Variants in MKLN1 observed in about 807,000 individuals in gnomAD.
The protein encoded by MKLN1 is muskelin 1.
Under a neutral mutation model 99.0 loss-of-function variants are expected in MKLN1, and 18 were observed. The ratio of observed to expected loss-of-function variants is 0.18; its 90% CI spans 0.13 to 0.27. The LOEUF is 0.27. Among genes scored for constraint, MKLN1 ranks in the 10% least tolerant of loss-of-function variants. MKLN1 has a pLI of 1.00. For synonymous variants in MKLN1, 288 were observed against 293.2 expected (o/e 0.98, Z 0.18); for missense variants, 621 against 875.9 (o/e 0.71, Z 3.67).
At chr7:131,332,513 CTA>C (rs771647226) in intron 1 of MKLN1, among the ~76,000 whole-genome samples, 6 of 149,578 alleles carry the variant, frequency 4.0e-5, no homozygotes, top group Admixed American at 6.7e-5. Flanking sequence ...AAAAAATGCT[CTA>C]TGTTTATTAT....
At chr7:131,202,146 C>CTTTTTTTTTTTTTTTTTTTTTTTTTTT in intron 2 of MKLN1, among the ~76,000 whole-genome samples, 1 of 60,274 alleles carries the variant, frequency 1.7e-5, no homozygotes, top group Non-Finnish European at 3.2e-5. Context: ...GCACTATTGA[C>CTTTTTTTTTTTTTTTTTTTTTTTTTTT]TTTTTTTTTT....
chr7:131,464,390 A>G lies in MKLN1; in HGVS notation c.1770A>G (p.Val590=), dbSNP rs750059929. 2.1e-5 allele frequency: 34 copies of G among 1,610,978 alleles called. No individual in the cohort carries two copies. Among genetic ancestry groups the G allele is most frequent in the Non-Finnish European group, 7.6e-6 (9 of 1,177,386 alleles). ...EPCPRFAHQL[V]YDELHKVHYL... ...GTCCAAGGTTTGCCCATCAGCTTGTATACGATGAGCTACACAAGGTATCCT... is the reference window on the plus strand; with the variant it reads ...GTCCAAGGTTTGCCCATCAGCTTGTGTACGATGAGCTACACAAGGTATCCT... Residue 590 remains valine, a synonymous_variant, in exon 14 of 18, where the codon GTA becomes GTG. Transcript: ENST00000352689.
intron 1 of MKLN1, among the ~76,000 whole-genome samples, chr7:131,335,442 T>C (rs1024053037): frequency 6.6e-6 from 1 of 152,152 alleles, no homozygotes; most frequent in Admixed American, 6.5e-5. Flanking sequence ...ATTTAAGTAG[T>C]CTAATATAAA....
upstream of MKLN1, among the ~76,000 whole-genome samples, chr7:131,325,149 A>C (rs1407176442): frequency 6.6e-6 from 1 of 152,144 alleles, no homozygotes; most frequent in Non-Finnish European, 1.5e-5. Context: ...TTTGCTAGAC[A>C]CATCAACAGG....
intron 3 of MKLN1, among the ~76,000 whole-genome samples, chr7:131,232,714 G>A (rs1797260791): frequency 6.6e-6 from 1 of 152,106 alleles, no homozygotes; most frequent in Admixed American, 6.6e-5. Context: ...GTACATACAC[G>A]AGTTTACCAG....
chr7:131,374,426 T>C (rs532408794), intron 1 of MKLN1, among the ~76,000 whole-genome samples: 147 of 152,290 alleles, frequency 9.7e-4, no homozygotes, highest in African/African-American at 3.4e-3. Context: ...TTTGCACTGA[T>C]GTCACTGATT....
At chr7:131,276,195 C>T (rs1797972594) in intron 3 of MKLN1, among the ~76,000 whole-genome samples, 1 of 152,232 alleles carries the variant, frequency 6.6e-6, no homozygotes, top group South Asian at 2.1e-4. Context: ...TTATTCTGGG[C>T]CTGTTGCTTT....
chr7:131,274,316 A>G (rs1185257129), intron 3 of MKLN1, among the ~76,000 whole-genome samples: 1 of 152,030 alleles, frequency 6.6e-6, no homozygotes, highest in African/African-American at 2.4e-5. Flanking sequence ...GTGTTGCCCA[A>G]TTGCCAGCTC....
At chr7:131,399,113 G>A (rs1794450003) in intron 5 of MKLN1, 128 bp from the exon 6 acceptor site, 1 of 773,328 alleles carries the variant, frequency 1.3e-6, no homozygotes, top group Non-Finnish European at 2.1e-6. Context: ...AATCAGGTTA[G>A]TAAACTGCTT....
chr7:131,145,822 C>A (rs1795808081), intron 2 of MKLN1, among the ~76,000 whole-genome samples: 1 of 152,186 alleles, frequency 6.6e-6, no homozygotes, highest in South Asian at 2.1e-4. Context: ...GCCTAGCAGA[C>A]AAATGGACAA....
intron 3 of MKLN1, among the ~76,000 whole-genome samples, chr7:131,222,136 T>C (rs1797068936): frequency 6.6e-6 from 1 of 150,864 alleles, no homozygotes; most frequent in Non-Finnish European, 1.5e-5. Flanking sequence ...TTAAGTGATC[T>C]GCCCACCTCG....
intron 3 of MKLN1, among the ~76,000 whole-genome samples, chr7:131,266,088 C>T (rs908024517): frequency 1.3e-5 from 2 of 148,928 alleles, no homozygotes; most frequent in African/African-American, 2.5e-5. Flanking sequence ...GCACGAGAAT[C>T]GCTTGAACCT....
chr7:131,133,359 T>C (rs1049220420), intron 1 of MKLN1, among the ~76,000 whole-genome samples: 3 of 136,168 alleles, frequency 2.2e-5, no homozygotes, highest in South Asian at 2.4e-4. Context: ...CTTTCTTTTT[T>C]TTTTTTTTTT....
chr7:131,129,350 A>G (rs1349259022), intron 1 of MKLN1, among the ~76,000 whole-genome samples: 2 of 152,178 alleles, frequency 1.3e-5, no homozygotes, highest in Non-Finnish European at 2.9e-5. Flanking sequence ...TAACACAGCA[A>G]TTTCACCTTT....
At chr7:131,262,647 T>C (rs1050452657) in intron 3 of MKLN1, among the ~76,000 whole-genome samples, 9 of 151,514 alleles carry the variant, frequency 5.9e-5, no homozygotes, top group Non-Finnish European at 1.5e-5. Context: ...ACCTCCTGGG[T>C]TCAAGCGATT....
chr7:131,153,348 A>G (rs1795916821), intron 2 of MKLN1, among the ~76,000 whole-genome samples: 1 of 152,020 alleles, frequency 6.6e-6, no homozygotes, highest in Non-Finnish European at 1.5e-5. Flanking sequence ...AATTATCCTC[A>G]TTGGTCTGTG....
intron 16 of MKLN1, chr7:131,471,625 T>C (rs181821346): frequency 6.6e-6 from 1 of 152,326 alleles, no homozygotes; most frequent in Admixed American, 6.5e-5. Flanking sequence ...GTTTTTGTCA[T>C]TTTTTCCTTT....
intron 3 of MKLN1, among the ~76,000 whole-genome samples, chr7:131,217,111 AT>A (rs1331593553): frequency 3.9e-5 from 6 of 152,212 alleles, no homozygotes; most frequent in South Asian, 2.1e-4. Context: ...AGATTTAGAT[AT>A]TTTTTATATG....
At chr7:131,328,049 GTT>G in intron 1 of MKLN1, 52 bp downstream of exon 1, 1 of 1,586,054 alleles carries the variant, frequency 6.3e-7, no homozygotes, top group Non-Finnish European at 8.6e-7. Flanking sequence ...CGTCAGCACG[GTT>G]GGGCCAGGGG....
Sources: gnomAD v4.1 joint callset for allele counts (sites outside exome capture counted in the v4.1 genomes callset) on GRCh38, gnomAD v4.1.1 for gene constraint, MANE v1.5 for transcripts, NCBI Gene and HGNC (gene_info 2026-07-23, HGNC 2026-07-21) for gene names.